RGPD2: variants seen among roughly 807,000 people sequenced by gnomAD.
RGPD2 encodes RANBP2 like and GRIP domain containing 2.
Under a neutral mutation model 36.0 loss-of-function variants are expected in RGPD2, and 2 were observed. That is an observed-to-expected ratio of 0.06 (90% confidence interval 0.02 to 0.17). The LOEUF is 0.17. Among genes scored for constraint, RGPD2 ranks in the 10% least tolerant of loss-of-function variants. The pLI is 1.00. For missense variants in RGPD2, 40 were observed against 464.3 expected (o/e 0.09, Z 8.40); for synonymous variants, 19 against 163.8 (o/e 0.12, Z 6.75).
the RGPD2 span, among the ~76,000 whole-genome samples, chr2:87,839,702 T>C: frequency 6.6e-6 from 1 of 152,052 alleles, no homozygotes; most frequent in Non-Finnish European, 1.5e-5. Flanking sequence ...TTCTCACTTA[T>C]AGGTAGAAGT....
the RGPD2 span, among the ~76,000 whole-genome samples, chr2:87,975,246 CT>C: frequency 1.4e-4 from 21 of 144,940 alleles, no homozygotes; most frequent in African/African-American, 5.4e-4. Flanking sequence ...CCTAAACACC[CT>C]CCCCACATGC....
At chr2:87,773,692 T>TAAA (rs1685204697) in intron 21 of RGPD2, among the ~76,000 whole-genome samples, 2 of 5,660 alleles carry the variant, frequency 3.5e-4, no homozygotes, top group Non-Finnish European at 5.9e-4. Context: ...CAAGACTATC[T>TAAA]CAAAAAAAAA....
the RGPD2 span, among the ~76,000 whole-genome samples, chr2:87,915,539 CAT>C: frequency 1.7e-4 from 24 of 138,326 alleles, no homozygotes; most frequent in African/African-American, 4.0e-4. Context: ...CATATATACA[CAT>C]ATATATGTGT....
intron 8 of RGPD2, among the ~76,000 whole-genome samples, chr2:87,798,784 C>T (rs1191357964): frequency 4.2e-5 from 5 of 119,584 alleles, no homozygotes; most frequent in South Asian, 3.0e-4. Context: ...AGGAGAATGG[C>T]GTGAACCCGG....
At chr2:87,818,045 A>AC (rs1358812446) in intron 2 of RGPD2, among the ~76,000 whole-genome samples, 3 of 109,904 alleles carry the variant, frequency 2.7e-5, no homozygotes, top group Non-Finnish European at 5.7e-5. Flanking sequence ...AAAAAAAAAA[A>AC]CCCTGCCTCC....
the RGPD2 span, among the ~76,000 whole-genome samples, chr2:87,906,818 C>A: frequency 6.8e-6 from 1 of 147,774 alleles, no homozygotes; most frequent in Non-Finnish European, 1.5e-5. Flanking sequence ...ATTCAGGAGG[C>A]TTAGGTGGGA....
the RGPD2 span, among the ~76,000 whole-genome samples, chr2:87,873,605 A>G: frequency 3.4e-5 from 5 of 146,502 alleles, no homozygotes; most frequent in Non-Finnish European, 7.5e-5. Context: ...ACTATGAAGA[A>G]ATAAATGAGA....
chr2:87,874,373 C>T, the RGPD2 span, among the ~76,000 whole-genome samples: 1 of 118,226 alleles, frequency 8.5e-6, no homozygotes, highest in Non-Finnish European at 1.7e-5. Context: ...GCCTTTAATC[C>T]ATGTTGAGTT....
chr2:87,982,207 T>C, the RGPD2 span, among the ~76,000 whole-genome samples: 1 of 33,012 alleles, frequency 3.0e-5, no homozygotes, highest in African/African-American at 5.5e-5. Flanking sequence ...TATGCTCCTA[T>C]GGACCCTTAC....
At chr2:87,881,498 GC>G in the RGPD2 span, among the ~76,000 whole-genome samples, 1 of 151,050 alleles carries the variant, frequency 6.6e-6, no homozygotes, top group African/African-American at 2.4e-5. Context: ...TTTACTCTGT[GC>G]ACCTGCAAGA....
the RGPD2 span, among the ~76,000 whole-genome samples, chr2:87,935,357 T>C: frequency 6.7e-6 from 1 of 149,688 alleles, no homozygotes; most frequent in Admixed American, 6.7e-5. Context: ...CATGAAACAG[T>C]AGAGAGAATA....
At chr2:87,964,299 T>C in the RGPD2 span, among the ~76,000 whole-genome samples, 1 of 152,260 alleles carries the variant, frequency 6.6e-6, no homozygotes, top group African/African-American at 2.4e-5. Flanking sequence ...AAATTCCATT[T>C]GCATTAATGT....
the RGPD2 span, among the ~76,000 whole-genome samples, chr2:87,896,806 C>A: frequency 7.8e-6 from 1 of 128,112 alleles, no homozygotes; most frequent in African/African-American, 3.0e-5. Context: ...GAAGACCTCA[C>A]TATTGTCATA....
intron 6 of RGPD2, among the ~76,000 whole-genome samples, chr2:87,809,800 T>C (rs930644156): frequency 1.1e-4 from 16 of 150,074 alleles, no homozygotes; most frequent in Non-Finnish European, 1.9e-4. Flanking sequence ...ATCCCCATGG[T>C]CATCTCCCCT....
At chr2:87,975,924 C>A in the RGPD2 span, among the ~76,000 whole-genome samples, 7 of 151,920 alleles carry the variant, frequency 4.6e-5, no homozygotes, top group Non-Finnish European at 8.8e-5. Flanking sequence ...GTGCTTAACA[C>A]TATACTTAGC....
the RGPD2 span, among the ~76,000 whole-genome samples, chr2:87,861,247 T>G: frequency 3.9e-5 from 6 of 151,924 alleles, no homozygotes; most frequent in East Asian, 1.2e-3. Context: ...TTTCAATTTT[T>G]ATTATAAAAA....
At chr2:87,972,448 T>C in the RGPD2 span, among the ~76,000 whole-genome samples, 3 of 114,542 alleles carry the variant, frequency 2.6e-5, no homozygotes, top group Non-Finnish European at 1.8e-5. Context: ...CTTATTTTAC[T>C]TGAATAAACT....
chr2:87,881,234 C>T, the RGPD2 span, among the ~76,000 whole-genome samples: 871 of 149,812 alleles, frequency 5.8e-3, no homozygotes, highest in East Asian at 0.082. Flanking sequence ...TTTCCAGGTA[C>T]AAGGTGTAAG....
intron 1 of RGPD2, among the ~76,000 whole-genome samples, chr2:87,824,044 ACAGAGTCT>A (rs963022318): frequency 1.4e-5 from 2 of 144,778 alleles, no homozygotes; most frequent in African/African-American, 2.6e-5. Context: ...TTTTTTGGAG[ACAGAGTCT>A]CGCTCTGTCA....
Sources: allele counts gnomAD v4.1 joint callset (sites outside exome capture counted in the v4.1 genomes callset), GRCh38; gene constraint gnomAD v4.1.1; transcripts MANE v1.5; gene names NCBI Gene and HGNC (gene_info 2026-07-23, HGNC 2026-07-21).